DST: variants seen among roughly 807,000 people sequenced by gnomAD.
DST encodes the protein bullous pemphigoid antigen.
A neutral mutation model predicts 875.2 loss-of-function variants in DST; 253 were observed. That is an observed-to-expected ratio of 0.29 (90% CI 0.26 to 0.32). The LOEUF (loss-of-function observed/expected upper bound fraction) is 0.32. Ranked by LOEUF, DST falls within the 10% of genes least tolerant of loss-of-function variation. The probability of loss-of-function intolerance (pLI) is 1.00; values close to 1 mark genes in which losing one functional copy is unlikely to be tolerated. For missense variants in DST, 8,287 were observed against 9,111.6 expected, an observed-to-expected ratio of 0.91 and a Z score of 3.68; for synonymous variants, 3,124 against 3,197.1, an observed-to-expected ratio of 0.98 and a Z score of 0.77.
At chr6:56,721,156 CA>C (rs2099414660) in intron 5 of DST, among the ~76,000 whole-genome samples, 1 of 148,088 alleles carries the variant, frequency 6.8e-6, no homozygotes, top group South Asian at 2.1e-4. Flanking sequence ...CGGCCCCCCC[CA>C]CCTCCCAGAT....
intron 5 of DST, among the ~76,000 whole-genome samples, chr6:56,731,842 T>A (rs1191116341): frequency 1.3e-5 from 2 of 152,220 alleles, no homozygotes; most frequent in Non-Finnish European, 2.9e-5. Context: ...ATACATAAGT[T>A]GCAAGTTTGG....
At chr6:56,738,539 C>G (rs1057442707) in intron 4 of DST, among the ~76,000 whole-genome samples, 1 of 152,094 alleles carries the variant, frequency 6.6e-6, no homozygotes, top group African/African-American at 2.4e-5. Context: ...CCAGGATGGT[C>G]TCAATCTCCT....
Position 56,594,107 on chromosome 6 carries a change from C to T in DST, c.12282G>A (p.Gln4094=). Residue 4094 remains glutamine (Q), a synonymous_variant, in exon 48 of 104, where the codon CAG becomes CAA. Coordinates refer to ENST00000680361, the MANE Select transcript of DST (RefSeq NM_001374736.1). ...TCTCTTTTTCTTCAGGAGAGAGATACTGACCCTGTTTCTCAAGCAACACTT... is the reference window on the plus strand; with the variant it reads ...TCTCTTTTTCTTCAGGAGAGAGATATTGACCCTGTTTCTCAAGCAACACTT... ...SAQVLLEKQG[Q]YLSPEEKEKL... The T allele has an allele frequency of 6.2e-7, 1 of 1,606,644 alleles. No individual in the cohort carries two copies. Among genetic ancestry groups the T allele is most frequent in the Non-Finnish European group, 8.5e-7 (1 of 1,177,640 alleles).
chr6:56,601,558 A>G lies in DST; in HGVS notation c.11426T>C (p.Leu3809Pro). 2 of 1,604,530 alleles carry G rather than the reference A, an allele frequency of 1.2e-6. No individual in the cohort carries two copies. The highest frequency in any genetic ancestry group is 1.7e-6 in the Non-Finnish European group (2 of 1,175,530). The change falls in exon 44 of 104, where the codon CTG (leucine) becomes CCG (proline). Residue 3809 changes from leucine to proline, a missense_variant. Leu to Pro is a moderately conservative substitution (Grantham distance 98). Coordinates refer to ENST00000680361, the MANE Select transcript of DST (RefSeq NM_001374736.1). ...CTTCTGAGTTGTATTTAAGAGCCTC[A>G]GCAGTTGTTTGCTTTGGTTGGGAGA... ...DLSPNQSKQL[L>P]RLLNTTQKCF...
At chr6:56,755,244 C>T (rs1433016757) in intron 4 of DST, among the ~76,000 whole-genome samples, 1 of 151,900 alleles carries the variant, frequency 6.6e-6, no homozygotes, top group Admixed American at 6.6e-5. Context: ...TTGTAACAGA[C>T]CTGTGGGCAC....
intron 4 of DST, among the ~76,000 whole-genome samples, chr6:56,789,893 C>T (rs532209028): frequency 1.1e-4 from 17 of 152,304 alleles, no homozygotes; most frequent in African/African-American, 3.1e-4. Flanking sequence ...CTGTAAATAA[C>T]GCTGCTATGT....
intron 10 of DST, among the ~76,000 whole-genome samples, chr6:56,654,851 C>G (rs78564230): frequency 0.021 from 3,235 of 152,082 alleles, 44 homozygotes; most frequent in Middle Eastern, 0.034. Flanking sequence ...CATATGACTT[C>G]TACAGTGATA....
At chr6:56,614,291 C>CTG (rs1288665865) in intron 37 of DST, 65 bp downstream of exon 37, 1 of 1,418,710 alleles carries the variant, frequency 7.0e-7, no homozygotes, top group African/African-American at 1.4e-5. Flanking sequence ...GCTAGGTAAA[C>CTG]TGTGTCAACT....
intron 36 of DST, among the ~76,000 whole-genome samples, chr6:56,621,396 T>C (rs939466710): frequency 1.3e-5 from 2 of 152,206 alleles, no homozygotes; most frequent in African/African-American, 4.8e-5. Flanking sequence ...ATAATCAGAA[T>C]TGCTAATGCA....
chr6:56,924,105 T>C (rs35301163), intron 2 of DST, among the ~76,000 whole-genome samples: 37,513 of 151,824 alleles, frequency 0.25, 4,819 homozygotes, highest in Middle Eastern at 0.28. Flanking sequence ...GCCCGGGCGA[T>C]AGAGCAAGCC....
At chr6:56,838,331 A>G (rs2099796069) in intron 4 of DST, among the ~76,000 whole-genome samples, 1 of 152,190 alleles carries the variant, frequency 6.6e-6, no homozygotes, top group Non-Finnish European at 1.5e-5. Context: ...ATAATCTCCA[A>G]TTGCATGAAG....
intron 72 of DST, among the ~76,000 whole-genome samples, chr6:56,513,556 G>A (rs2096526734): frequency 1.3e-5 from 2 of 151,884 alleles, no homozygotes; most frequent in South Asian, 2.1e-4. Flanking sequence ...TAGAGGCAGG[G>A]TTTCTCCATG....
chr6:56,741,826 A>G (rs2099547773), intron 4 of DST, among the ~76,000 whole-genome samples: 1 of 152,250 alleles, frequency 6.6e-6, no homozygotes, highest in Admixed American at 6.5e-5. Flanking sequence ...ACATTCCTCT[A>G]TTTGAAAATT....
At chr6:56,523,456 C>A (rs1353267145) in intron 69 of DST, among the ~76,000 whole-genome samples, 1 of 152,094 alleles carries the variant, frequency 6.6e-6, no homozygotes, top group Admixed American at 6.6e-5. Context: ...TGTATGTTCC[C>A]TTCTGTTCTC....
rs1461141748 is a variant in DST at position 56,606,940 on chromosome 6, G to C, written c.7688C>G (p.Pro2563Arg). The change falls in exon 40 of 104, where the codon CCA (proline) becomes CGA (arginine). Residue 2563 changes from proline to arginine, a missense_variant. By Grantham distance (103) the Pro-to-Arg change is moderately radical. Transcript: ENST00000680361. ...AATGGCATTATCAGTATCACCCCCTGGAGTCACAGCACAGGAATACTCTTC... is the reference window on the plus strand; with the variant it reads ...AATGGCATTATCAGTATCACCCCCTCGAGTCACAGCACAGGAATACTCTTC... ...EIEEYSCAVT[P>R]GGDTDNAIVS... 1.2e-6 allele frequency: 2 copies of C among 1,613,350 alleles called. No individual in the cohort carries two copies. The highest frequency in any genetic ancestry group is 4.5e-5 in the East Asian group (2 of 44,886).
At chr6:56,695,180 T>C (rs1451302259) in intron 9 of DST, among the ~76,000 whole-genome samples, 2 of 146,910 alleles carry the variant, frequency 1.4e-5, no homozygotes, top group African/African-American at 5.1e-5. Flanking sequence ...TGGTACCTCC[T>C]ACCCCTCCTC....
intron 2 of DST, among the ~76,000 whole-genome samples, chr6:56,939,131 C>T (rs2167459): frequency 1 from 152,302 of 152,390 alleles, 76,107 homozygotes; most frequent in Non-Finnish European, 1. Context: ...GGCACAAGAA[C>T]AGAAAAGCAG....
chr6:56,526,571 A>T lies in DST; in HGVS notation c.17923-4T>A, dbSNP rs1362104514. On this transcript the variant is annotated splice_region_variant and splice_polypyrimidine_tract_variant and intron_variant, in intron 68 of 103. Transcript: ENST00000680361. ...TCTTAGCTTCCTTTTTCAGTTCCTG[A>T]AAACATACAAATAAGTTAGTAACAC... 5.0e-6 allele frequency: 8 copies of T among 1,612,804 alleles called. No individual in the cohort carries two copies. Among genetic ancestry groups the T allele is most frequent in the Non-Finnish European group, 8.5e-7 (1 of 1,179,296 alleles).
intron 5 of DST, among the ~76,000 whole-genome samples, chr6:56,725,470 G>A (rs2099449368): frequency 1.3e-5 from 2 of 152,134 alleles, no homozygotes; most frequent in Admixed American, 1.3e-4. Flanking sequence ...CAGCTGCTCT[G>A]GGAGTCCAAG....
Sources: gnomAD v4.1 joint callset for allele counts (sites outside exome capture counted in the v4.1 genomes callset) on GRCh38, gnomAD v4.1.1 for gene constraint, MANE v1.5 for transcripts, NCBI Gene and HGNC (gene_info 2026-07-23, HGNC 2026-07-21) for gene names.